E2F6: variants seen among roughly 807,000 people sequenced by gnomAD.
E2F6 encodes the protein transcription factor E2F6.
E2F6 carries 19 observed loss-of-function variants against 31.5 expected under a neutral mutation model. The ratio of observed to expected loss-of-function variants is 0.60; its 90% CI spans 0.42 to 0.89. The LOEUF is 0.89. Among genes scored for constraint, E2F6 ranks in the 40% least tolerant of loss-of-function variants. The pLI, the probability that E2F6 is intolerant of heterozygous loss-of-function variation, is 0.00. For synonymous variants in E2F6, 121 were observed against 127.7 expected (o/e 0.95, Z 0.36); for missense variants, 269 against 341.6 (o/e 0.79, Z 1.67).
At chr2:11,454,168 T>C (rs1322999204) in intron 2 of E2F6, among the ~76,000 whole-genome samples, 1 of 152,176 alleles carries the variant, frequency 6.6e-6, no homozygotes, top group African/African-American at 2.4e-5. Context: ...AAATTTCTCA[T>C]TTGGTCTTCA....
At position 11,444,801 on chromosome 2, in the gene E2F6, T is replaced by A. The variant is rs1030765268; in HGVS notation, c.*1676A>T. ...ACAACCTGCTCAACTCTTGCTTTCA[T>A]CAAGCATGTCCCAAACCTAAGTTTT... On this transcript the variant is annotated 3_prime_UTR_variant, in exon 7 of 7. Coordinates refer to ENST00000381525, the MANE Select transcript of E2F6 (RefSeq NM_198256.4). The A allele has an allele frequency of 1.3e-5, 2 of 152,332 alleles. No homozygotes were observed. The highest frequency in any genetic ancestry group is 1.5e-5 in the Non-Finnish European group (1 of 68,140). 9.4% of individuals were successfully genotyped at this position (152,332 alleles called of 1,614,324 possible).
chr2:11,464,312 A>C (rs969815343), intron 1 of E2F6, among the ~76,000 whole-genome samples: 4 of 151,924 alleles, frequency 2.6e-5, no homozygotes, highest in Admixed American at 1.3e-4. Flanking sequence ...CAGGAGATTG[A>C]GACCATCCTG....
intron 1 of E2F6, among the ~76,000 whole-genome samples, 161 bp downstream of exon 1, chr2:11,465,611 C>T (rs1672122205): frequency 6.6e-6 from 1 of 152,232 alleles, no homozygotes; most frequent in Non-Finnish European, 1.5e-5. Context: ...ATGCTGAAAG[C>T]AGAAGGCGGG....
At chr2:11,453,490 T>C (rs1040948506) in intron 3 of E2F6, 92 bp downstream of exon 3, 28 of 1,184,012 alleles carry the variant, frequency 2.4e-5, no homozygotes, top group East Asian at 7.0e-5. Flanking sequence ...TTGTATTATA[T>C]TGTCAAAACA....
At chr2:11,456,856 T>C (rs948775973) in intron 2 of E2F6, among the ~76,000 whole-genome samples, 1 of 152,232 alleles carries the variant, frequency 6.6e-6, no homozygotes, top group Admixed American at 6.5e-5. Context: ...TAGAGCCATT[T>C]ACATCCTATC....
At chr2:11,459,530 G>A (rs1195414329) in intron 1 of E2F6, among the ~76,000 whole-genome samples, 2 of 152,070 alleles carry the variant, frequency 1.3e-5, no homozygotes, top group Non-Finnish European at 2.9e-5. Flanking sequence ...CTATCTTGGA[G>A]GAATCACAAC....
intron 1 of E2F6, among the ~76,000 whole-genome samples, chr2:11,465,419 C>T (rs1672099977): frequency 6.6e-6 from 1 of 152,026 alleles, no homozygotes; most frequent in African/African-American, 2.4e-5. Flanking sequence ...TAAACGGCTG[C>T]AGTAGAGCAG....
chr2:11,457,452 A>T, intron 1 of E2F6, among the ~76,000 whole-genome samples: 1 of 152,096 alleles, frequency 6.6e-6, no homozygotes, highest in East Asian at 1.9e-4. Flanking sequence ...GTGAAACCCC[A>T]TCTCGACTAA....
intron 5 of E2F6, among the ~76,000 whole-genome samples, chr2:11,448,986 G>A (rs1670895024): frequency 6.6e-6 from 1 of 152,194 alleles, no homozygotes; most frequent in Non-Finnish European, 1.5e-5. Context: ...CCCATGTGCA[G>A]AGACTTTAAA....
Position 11,465,949 on chromosome 2 carries a change from G to A in E2F6, c.-70C>T. On this transcript the variant is annotated 5_prime_UTR_variant, in exon 1 of 7. Transcript: ENST00000381525. ...TCCCGCCCTCTCGCGCTCAGCTCGA[G>A]CACCGCCCCCCACGCGCCGATTTCC... The A allele has an allele frequency of 1.5e-6, 2 of 1,359,718 alleles. No individual in the cohort carries two copies. Among genetic ancestry groups the A allele is most frequent in the Non-Finnish European group, 2.0e-6 (2 of 1,021,506 alleles). The allele number at this position is 1,359,718 out of a possible 1,614,324, so 84.2% of individuals were successfully genotyped here. A position where few individuals can be genotyped will look rare whatever the true frequency, so the allele number is the denominator to read the frequency against.
At chr2:11,447,295 G>A (rs1293455441) in intron 6 of E2F6, among the ~76,000 whole-genome samples, 1 of 152,176 alleles carries the variant, frequency 6.6e-6, no homozygotes, top group African/African-American at 2.4e-5. Flanking sequence ...TCCAAGATGT[G>A]CAGAAGGGGA....
Position 11,455,437 on chromosome 2 carries a change from A to G in E2F6, c.164-1639T>C, listed in dbSNP as rs1481595544. 2.3e-6 allele frequency: 3 copies of G among 1,292,752 alleles called. No individual in the cohort carries two copies. In the African/African-American group the frequency reaches 4.6e-5, roughly 20 times the overall value. The allele number at this position is 1,292,752 out of a possible 1,614,324, so 80.1% of individuals were successfully genotyped here. ...CTTCAGGAACAAAGGTACATATTTC[A>G]TAATATAAATGTCTTCTCTCTGGAG... On this transcript the variant is annotated intron_variant, in intron 2 of 6. Transcript: ENST00000381525.
At chr2:11,448,418 A>G (rs1163782505) in intron 5 of E2F6, among the ~76,000 whole-genome samples, 3 of 152,218 alleles carry the variant, frequency 2.0e-5, no homozygotes, top group Admixed American at 1.3e-4. Flanking sequence ...TGCTTCAACT[A>G]TAACAAAGTC....
intron 1 of E2F6, among the ~76,000 whole-genome samples, chr2:11,460,251 G>C (rs1421855448): frequency 6.6e-6 from 1 of 152,104 alleles, no homozygotes; most frequent in African/African-American, 2.4e-5. Flanking sequence ...TCTGTTTTGG[G>C]GAGCAATATT....
intron 5 of E2F6, among the ~76,000 whole-genome samples, chr2:11,449,133 A>G (rs913971721): frequency 6.6e-6 from 1 of 152,252 alleles, no homozygotes; most frequent in African/African-American, 2.4e-5. Flanking sequence ...GCCCCAAAGT[A>G]AAGATGTGTT....
chr2:11,460,331 C>A (rs1671698792), intron 1 of E2F6, among the ~76,000 whole-genome samples: 1 of 151,824 alleles, frequency 6.6e-6, no homozygotes, highest in Admixed American at 6.6e-5. Flanking sequence ...TTCAATTATG[C>A]AGACCAAGTT....
At chr2:11,461,818 T>C (rs1024683372) in intron 1 of E2F6, among the ~76,000 whole-genome samples, 1 of 152,236 alleles carries the variant, frequency 6.6e-6, no homozygotes, top group African/African-American at 2.4e-5. Flanking sequence ...ACTGAATCCC[T>C]GAGCTCATCC....
Position 11,457,189 on chromosome 2 carries a change from C to T in E2F6, c.153G>A (p.Val51=). ...CAGGAATCAACTTACTTCTCATGGA[C>T]ACATATTGTACATTATCTTCTAAAT... ...RINLEDNVQY[V]SMRKALKVKR... The change falls in exon 2 of 7, where the codon GTG becomes GTA. Residue 51 remains valine, a synonymous_variant. Coordinates refer to ENST00000381525, the MANE Select transcript of E2F6 (RefSeq NM_198256.4). 1 of 1,563,138 alleles carries T rather than the reference C, an allele frequency of 6.4e-7. No individual in the cohort carries two copies. Among genetic ancestry groups the T allele is most frequent in the Admixed American group, 1.7e-5 (1 of 59,018 alleles).
At chr2:11,465,719 G>A (rs565788706) in intron 1 of E2F6, 53 bp downstream of exon 1, 4 of 1,535,234 alleles carry the variant, frequency 2.6e-6, no homozygotes, top group Non-Finnish European at 3.5e-6. Context: ...GCGGGGAGGA[G>A]GGGGCCGGAT....
Sources: allele counts gnomAD v4.1 joint callset (sites outside exome capture counted in the v4.1 genomes callset), GRCh38; gene constraint gnomAD v4.1.1; transcripts MANE v1.5; gene names NCBI Gene and HGNC (gene_info 2026-07-23, HGNC 2026-07-21).